The following WDR70 variants were observed in gnomAD, a reference collection of about 807,000 sequenced individuals.
The protein encoded by WDR70 is WD repeat-containing protein 70.
WDR70 carries 53 observed loss-of-function variants against 88.6 expected under a neutral mutation model. The ratio of observed to expected loss-of-function variants is 0.60; its 90% CI spans 0.48 to 0.75. WDR70 has a LOEUF of 0.75. Among genes scored for constraint, WDR70 ranks in the 30% least tolerant of loss-of-function variants. The probability of loss-of-function intolerance (pLI) is 0.00; values close to 1 mark genes in which losing one functional copy is unlikely to be tolerated. For missense variants in WDR70, 610 were observed against 823.2 expected (o/e 0.74, Z 3.17); for synonymous variants, 280 against 270.0 (o/e 1.04, Z -0.36).
chr5:37,591,674 A>G (rs759391591), intron 9 of WDR70, among the ~76,000 whole-genome samples: 19 of 152,328 alleles, frequency 1.2e-4, no homozygotes, highest in Middle Eastern at 3.4e-3. Context: ...ACACACTCCA[A>G]CTTATTTTAT....
chr5:37,564,519 AAG>A lies in WDR70; in HGVS notation c.918-40540_918-40539del, dbSNP rs745908705. ...GTCGGCATCAGGGGGAGACCGTGGA[AAG>A]AGAGGGAGAGGGAGACGGTGGGGAG... On this transcript the variant is annotated intron_variant, in intron 9 of 17. Coordinates refer to ENST00000265107, the MANE Select transcript of WDR70 (RefSeq NM_018034.4). Among the ~76,000 whole-genome samples the A allele has an allele frequency of 4.4e-4, 67 of 150,700 alleles. 1 individual carries two copies. The East Asian group carries it at 0.011, about 24-fold the overall frequency.
intron 10 of WDR70, among the ~76,000 whole-genome samples, chr5:37,630,095 CAGT>C (rs1351520370): frequency 6.6e-6 from 1 of 152,142 alleles, no homozygotes; most frequent in Non-Finnish European, 1.5e-5. Context: ...TTTGTGGTGA[CAGT>C]AGTGCAGCTT....
At chr5:37,407,388 G>A (rs1749385102) in intron 5 of WDR70, among the ~76,000 whole-genome samples, 1 of 152,024 alleles carries the variant, frequency 6.6e-6, no homozygotes, top group South Asian at 2.1e-4. Flanking sequence ...TTAGCCGGGT[G>A]TAGTGAGCAC....
intron 8 of WDR70, among the ~76,000 whole-genome samples, chr5:37,516,071 A>C (rs1350468294): frequency 1.3e-5 from 2 of 152,222 alleles, no homozygotes; most frequent in Admixed American, 6.5e-5. Flanking sequence ...TTTAGGAAAT[A>C]TGGATTTCCC....
chr5:37,666,170 T>C (rs1745838298), intron 10 of WDR70, among the ~76,000 whole-genome samples: 1 of 152,200 alleles, frequency 6.6e-6, no homozygotes, highest in Admixed American at 6.5e-5. Context: ...CTTCCGGTGT[T>C]GGCATGGTGG....
intron 10 of WDR70, 106 bp downstream of exon 10, chr5:37,605,344 GA>G: frequency 8.1e-7 from 1 of 1,238,104 alleles, no homozygotes; most frequent in Non-Finnish European, 1.1e-6. Flanking sequence ...TGAATTTCCT[GA>G]ATTTAGACCT....
intron 9 of WDR70, among the ~76,000 whole-genome samples, chr5:37,591,818 G>A (rs1743538528): frequency 6.6e-6 from 1 of 152,060 alleles, no homozygotes; most frequent in African/African-American, 2.4e-5. Flanking sequence ...TTTATTGAAA[G>A]GATAATACAT....
chr5:37,612,968 CA>C lies in WDR70; in HGVS notation c.1092+7733del, dbSNP rs1206941602. 2.6e-5 allele frequency among the ~76,000 whole-genome samples: 4 copies of C among 152,232 alleles called. No homozygotes were observed. The South Asian group carries it at 8.3e-4, about 32-fold the overall frequency. On this transcript the variant is annotated intron_variant, in intron 10 of 17. Coordinates refer to ENST00000265107, the MANE Select transcript of WDR70 (RefSeq NM_018034.4). ...TCAAAACACAAAACCATCATAACTGCAAATTACTTGCAGGCACTAAACTTAA... is the reference window on the plus strand; with the variant it reads ...TCAAAACACAAAACCATCATAACTGCAATTACTTGCAGGCACTAAACTTAA...
intron 10 of WDR70, among the ~76,000 whole-genome samples, chr5:37,637,810 G>A (rs565900964): frequency 1.3e-5 from 2 of 152,312 alleles, no homozygotes; most frequent in South Asian, 2.1e-4. Flanking sequence ...TGGCCTCTTT[G>A]TATTATGAGA....
chr5:37,550,461 G>A (rs1486167490), intron 9 of WDR70, among the ~76,000 whole-genome samples: 1 of 152,174 alleles, frequency 6.6e-6, no homozygotes, highest in African/African-American at 2.4e-5. Flanking sequence ...CTGTTGGATG[G>A]AATGTTCTGT....
chr5:37,692,389 C>T (rs914593856), intron 10 of WDR70, among the ~76,000 whole-genome samples: 1 of 152,112 alleles, frequency 6.6e-6, no homozygotes, highest in Non-Finnish European at 1.5e-5. Flanking sequence ...CATCCTAATA[C>T]CAAAGGCTGG....
intron 5 of WDR70, among the ~76,000 whole-genome samples, chr5:37,427,914 A>T (rs1178680719): frequency 6.6e-6 from 1 of 152,124 alleles, no homozygotes; most frequent in African/African-American, 2.4e-5. Flanking sequence ...GTTGCTAGGT[A>T]TGGCTCTGTG....
intron 7 of WDR70, among the ~76,000 whole-genome samples, chr5:37,453,803 A>G (rs1418364377): frequency 3.3e-5 from 5 of 152,176 alleles, no homozygotes; most frequent in Non-Finnish European, 7.3e-5. Context: ...TTATCTTATT[A>G]AGATCCAGTG....
rs114670057 is a variant in WDR70, at chr5:37,746,488, G to A, written c.1878-5998G>A. 1.3e-3 allele frequency among the ~76,000 whole-genome samples: 194 copies of A among 152,264 alleles called. 3 individuals are homozygous for A. In the South Asian group the frequency reaches 0.039, roughly 30 times the overall value. On this transcript the variant is annotated intron_variant, in intron 17 of 17. Transcript: ENST00000265107. ...AAAAAATCAACAAATCCAGGAGCTG[G>A]TGTTTTGAAAACATTAACAAAATAG... is the stretch of plus-strand genomic sequence containing the variant.
intron 9 of WDR70, among the ~76,000 whole-genome samples, chr5:37,573,367 T>G (rs1182617359): frequency 1.3e-5 from 2 of 152,178 alleles, no homozygotes; most frequent in Non-Finnish European, 2.9e-5. Context: ...GAATTCTCCC[T>G]CAGTTACTGC....
chr5:37,443,334 T>C lies in WDR70; in HGVS notation c.648T>C (p.Ala216=), dbSNP rs373456220. ...VKFWDFAGMD[A]SFKAFRSLQP... is the part of the protein sequence containing the mutation. ...TTTGGGATTTTGCTGGAATGGATGC[T>C]TCTTTTAAGGCATTTCGATCCCTTC... Residue 216 remains alanine, a synonymous_variant, in exon 7 of 18, where the codon GCT becomes GCC. Coordinates refer to ENST00000265107, the MANE Select transcript of WDR70 (RefSeq NM_018034.4). 20 of 1,613,880 alleles carry C rather than the reference T, an allele frequency of 1.2e-5. No homozygotes were observed. The highest frequency in any genetic ancestry group is 1.6e-4 in the Middle Eastern group (1 of 6,078).
intron 7 of WDR70, among the ~76,000 whole-genome samples, chr5:37,467,513 G>T (rs1160567934): frequency 3.3e-5 from 5 of 149,280 alleles, no homozygotes; most frequent in African/African-American, 1.2e-4. Flanking sequence ...TCACTTTGGG[G>T]GTTAGGGCTT....
intron 9 of WDR70, among the ~76,000 whole-genome samples, chr5:37,534,181 T>C (rs1210385412): frequency 6.6e-6 from 1 of 152,144 alleles, no homozygotes; most frequent in Non-Finnish European, 1.5e-5. Context: ...ACACTGTTCA[T>C]GATGTGAGTC....
chr5:37,406,634 A>C (rs1166744578), intron 5 of WDR70, among the ~76,000 whole-genome samples: 1 of 152,246 alleles, frequency 6.6e-6, no homozygotes, highest in African/African-American at 2.4e-5. Flanking sequence ...AACCCTTAGA[A>C]TAGTATCTGG....
Sources: gnomAD v4.1 joint callset for allele counts (sites outside exome capture counted in the v4.1 genomes callset) on GRCh38, gnomAD v4.1.1 for gene constraint, MANE v1.5 for transcripts, NCBI Gene and HGNC (gene_info 2026-07-23, HGNC 2026-07-21) for gene names.